Variants in GPATCH8 observed in about 807,000 individuals in gnomAD.
The protein encoded by GPATCH8 is G patch domain-containing protein 8.
A neutral mutation model predicts 118.3 loss-of-function variants in GPATCH8; 18 were observed. The observed-to-expected ratio is 0.15, with a 90% CI of 0.11 to 0.23. GPATCH8 has a LOEUF of 0.23. Ranked by LOEUF, GPATCH8 falls within the 10% of genes least tolerant of loss-of-function variation. The pLI, the probability that GPATCH8 is intolerant of heterozygous loss-of-function variation, is 1.00. For synonymous variants in GPATCH8, 659 were observed against 684.7 expected (o/e 0.96, Z 0.59); for missense variants, 1,631 against 1,873.8 (o/e 0.87, Z 2.39).
At chr17:44,499,617 T>G (rs1445634720) in intron 1 of GPATCH8, among the ~76,000 whole-genome samples, 1 of 152,242 alleles carries the variant, frequency 6.6e-6, no homozygotes, top group Non-Finnish European at 1.5e-5. Context: ...TGCTAAGCAC[T>G]GTTTCTTAAT....
rs1218239533 is a variant in GPATCH8 at position 44,400,278 on chromosome 17, T to C, written c.1799A>G (p.Lys600Arg). ...EKPKDIGSSS[K>R]DHLQGLDPGE... ...AGGATCTAGGCCTTGGAGATGGTCCTTTGAGGAGCTTCCTATATCCTTTGG... is the reference window on the plus strand; with the variant it reads ...AGGATCTAGGCCTTGGAGATGGTCCCTTGAGGAGCTTCCTATATCCTTTGG... Residue 600 changes from lysine to arginine, a missense_variant, in exon 8 of 8, where the codon AAG (lysine) becomes AGG (arginine). By Grantham distance (26) the Lys-to-Arg change is conservative. Transcript: ENST00000591680. 2 of 1,614,158 alleles carry C rather than the reference T, an allele frequency of 1.2e-6. No individual in the cohort carries two copies. Among genetic ancestry groups the C allele is most frequent in the African/African-American group, 2.7e-5 (2 of 75,066 alleles).
At chr17:44,434,435 G>A (rs2050426836) in intron 5 of GPATCH8, among the ~76,000 whole-genome samples, 1 of 152,190 alleles carries the variant, frequency 6.6e-6, no homozygotes, top group South Asian at 2.1e-4. Context: ...CAAGCGCGGT[G>A]ACTTACGCCT....
chr17:44,445,888 A>G (rs1421814392), intron 3 of GPATCH8: 1 of 152,170 alleles, frequency 6.6e-6, no homozygotes, highest in Admixed American at 6.5e-5. Flanking sequence ...AGGGGATCTG[A>G]ATTACAGTTC....
chr17:44,425,392 G>A (rs1309020595), intron 5 of GPATCH8, among the ~76,000 whole-genome samples: 1 of 152,104 alleles, frequency 6.6e-6, no homozygotes, highest in African/African-American at 2.4e-5. Flanking sequence ...AACAAGAAAA[G>A]GTTATTATTT....
At chr17:44,482,408 C>T (rs1456702975) in intron 1 of GPATCH8, among the ~76,000 whole-genome samples, 2 of 151,462 alleles carry the variant, frequency 1.3e-5, no homozygotes, top group African/African-American at 2.4e-5. Context: ...CCCGTCTCTA[C>T]TAAAAACACA....
intron 3 of GPATCH8, among the ~76,000 whole-genome samples, chr17:44,439,561 A>G (rs2050619695): frequency 6.6e-6 from 1 of 152,184 alleles, no homozygotes; most frequent in Non-Finnish European, 1.5e-5. Flanking sequence ...GACCAAGGAA[A>G]GATCCCAGTG....
At position 44,429,948 on chromosome 17, in the gene GPATCH8, G is replaced by A. The variant is rs1285121034; in HGVS notation, c.348+5117C>T. ...GGTGGCTAAGGCATGAGAATTGCTT[G>A]AACCCGGGAGGCACAGGTTGCTGTG... On this transcript the variant is annotated intron_variant, in intron 5 of 7. Transcript: ENST00000591680. 2.6e-5 allele frequency among the ~76,000 whole-genome samples: 4 copies of A among 151,956 alleles called. No homozygotes were observed. In the East Asian group the frequency reaches 7.7e-4, roughly 29 times the overall value.
chr17:44,460,166 AC>A (rs2051489384), intron 3 of GPATCH8, among the ~76,000 whole-genome samples: 1 of 152,184 alleles, frequency 6.6e-6, no homozygotes, highest in Non-Finnish European at 1.5e-5. Flanking sequence ...ACAAAATACA[AC>A]TATCATTCAC....
chr17:44,453,717 A>T (rs1261282575), intron 3 of GPATCH8, among the ~76,000 whole-genome samples: 1 of 152,024 alleles, frequency 6.6e-6, no homozygotes, highest in African/African-American at 2.4e-5. Context: ...TTTTTGGTAG[A>T]GACAGGGTCT....
chr17:44,434,741 G>T (rs2044316038), intron 5 of GPATCH8, among the ~76,000 whole-genome samples: 1 of 152,192 alleles, frequency 6.6e-6, no homozygotes, highest in African/African-American at 2.4e-5. Context: ...TTACAAGTGT[G>T]AGCCATTGTG....
At chr17:44,497,368 T>C (rs1568077277) in intron 1 of GPATCH8, among the ~76,000 whole-genome samples, 3 of 152,026 alleles carry the variant, frequency 2.0e-5, no homozygotes, top group Admixed American at 2.0e-4. Context: ...GGTGGGAGGA[T>C]AGCTTGAGCT....
rs1489723047 is a variant in GPATCH8 at position 44,420,969 on chromosome 17, C to A, written c.492+3380G>T. Among the ~76,000 whole-genome samples the A allele has an allele frequency of 2.0e-5, 3 of 152,056 alleles. No individual in the cohort carries two copies. The East Asian group carries it at 5.9e-4, about 30-fold the overall frequency. On this transcript the variant is annotated intron_variant, in intron 6 of 7. Transcript: ENST00000591680. ...CCACCTCCCAGACTCAAGCAATTCT[C>A]CTGCCTCGAGCAGCTGGGACTACTA...
At position 44,475,510 on chromosome 17, in the gene GPATCH8, C is replaced by T. The variant is rs540602573; in HGVS notation, c.46-607G>A. Among the ~76,000 whole-genome samples the T allele has an allele frequency of 1.4e-3, 213 of 149,416 alleles. 2 individuals carry two copies. Among genetic ancestry groups the T allele is most frequent in the African/African-American group, 4.9e-3 (197 of 40,404 alleles). ...CCAGGAGATTTAGACCATCCTGACA[C>T]GGTGAAACCCCATCTCTACTAAAAA... On this transcript the variant is annotated intron_variant, in intron 1 of 7. Transcript: ENST00000591680.
In GPATCH8 at chr17:44,490,011, TG is replaced by T. The variant is rs924726821; in HGVS notation, c.45+13314del. Among the ~76,000 whole-genome samples the T allele has an allele frequency of 2.2e-4, 34 of 152,098 alleles. 1 individual carries two copies. Among genetic ancestry groups the T allele is most frequent in the African/African-American group, 7.5e-4 (31 of 41,496 alleles). ...CATACAAACCACTTCGAGAATAAAA[TG>T]GGGGGTAAGGCTGGGTGCAGTGGCT... On this transcript the variant is annotated intron_variant, in intron 1 of 7. Transcript: ENST00000591680.
chr17:44,445,236 C>CT (rs1451755972), intron 3 of GPATCH8, among the ~76,000 whole-genome samples: 1 of 152,086 alleles, frequency 6.6e-6, no homozygotes, highest in African/African-American at 2.4e-5. Flanking sequence ...TATCGACAAA[C>CT]TTTTAAAAAA....
intron 1 of GPATCH8, among the ~76,000 whole-genome samples, chr17:44,492,794 A>G (rs1969359063): frequency 6.6e-6 from 1 of 152,150 alleles, no homozygotes. Flanking sequence ...TAGAACCCTA[A>G]CTTGAGAGTA....
intron 1 of GPATCH8, among the ~76,000 whole-genome samples, chr17:44,493,748 G>A (rs1278932120): frequency 6.6e-6 from 1 of 152,164 alleles, no homozygotes; most frequent in Non-Finnish European, 1.5e-5. Flanking sequence ...AAGAACAAAA[G>A]AAGTCAAAAG....
Position 44,398,108 on chromosome 17 carries a change from G to A in GPATCH8, c.3969C>T (p.Leu1323=), listed in dbSNP as rs777574156. 1 of 1,614,070 alleles carries A rather than the reference G, an allele frequency of 6.2e-7. No individual in the cohort carries two copies. The highest frequency in any genetic ancestry group is 8.5e-7 in the Non-Finnish European group (1 of 1,179,988). ...GGATGTGTTGCTGAGCAGCCTGCTG[G>A]AGCTTGCTGTACTTCTCCATCTCCT... The part of the protein sequence containing the change: ...TPEEMEKYSK[L]QQAAQQHIQQ... Residue 1323 remains leucine, a synonymous_variant, in exon 8 of 8, where the codon CTC becomes CTT. Transcript: ENST00000591680.
At chr17:44,401,967 G>A (rs1266263684) in intron 7 of GPATCH8, among the ~76,000 whole-genome samples, 1 of 150,116 alleles carries the variant, frequency 6.7e-6, no homozygotes. Context: ...TCACGCCACT[G>A]CACTCCAGTC....
Sources: gnomAD v4.1 joint callset for allele counts (sites outside exome capture counted in the v4.1 genomes callset) on GRCh38, gnomAD v4.1.1 for gene constraint, MANE v1.5 for transcripts, NCBI Gene and HGNC (gene_info 2026-07-23, HGNC 2026-07-21) for gene names.